Variants in GPR19 observed in about 807,000 individuals in gnomAD.
GPR19 encodes G protein-coupled receptor 19.
GPR19 carries 14 observed loss-of-function variants against 28.5 expected under a neutral mutation model. The ratio of observed to expected loss-of-function variants is 0.49; its 90% confidence interval spans 0.32 to 0.77. The LOEUF is 0.77. Ranked by LOEUF, GPR19 falls within the 30% of genes least tolerant of loss-of-function variation. The pLI, the probability that GPR19 is intolerant of heterozygous loss-of-function variation, is 0.03. For synonymous variants in GPR19, 173 were observed against 184.1 expected, an observed-to-expected ratio of 0.94 and a Z score of 0.49; for missense variants, 409 against 504.1, an observed-to-expected ratio of 0.81 and a Z score of 1.81.
At chr12:12,710,393 G>A in the GPR19 span, among the ~76,000 whole-genome samples, 2 of 150,278 alleles carry the variant, frequency 1.3e-5, no homozygotes, top group African/African-American at 2.4e-5. Flanking sequence ...CCTTATTCCT[G>A]TACCCGTGTA....
rs766095269 is a variant in GPR19, at chr12:12,661,597, C to T, written c.852G>A (p.Leu284=). The T allele has an allele frequency of 6.2e-7, 1 of 1,614,124 alleles. No individual in the cohort carries two copies. The highest frequency in any genetic ancestry group is 8.5e-7 in the Non-Finnish European group (1 of 1,179,974). The change falls in exon 4 of 4, where the codon TTG becomes TTA. Residue 284 remains leucine, a synonymous_variant. Transcript: ENST00000651487. The surrounding 1 kb of genome is among the most constrained non-coding windows in gnomAD (Gnocchi z 4.2). ...GAAAAGGCAGCCAGGAGAGCAAAAA[C>T]AACAGATTTAAAATGAGGAACATCT... The part of the protein sequence containing the change: ...TIKMFLILNL[L]FLLSWLPFHV...
At chr12:12,709,683 C>T in the GPR19 span, among the ~76,000 whole-genome samples, 1 of 152,156 alleles carries the variant, frequency 6.6e-6, no homozygotes, top group Non-Finnish European at 1.5e-5. Flanking sequence ...AAGCAGTCCT[C>T]CCACCTCAAC....
At chr12:12,679,645 C>A (rs542217901) in intron 3 of GPR19, among the ~76,000 whole-genome samples, 70 of 129,360 alleles carry the variant, frequency 5.4e-4, no homozygotes, top group Non-Finnish European at 1.0e-3. Context: ...CAGAGTGAGA[C>A]CTTGTCTCTG....
At chr12:12,716,837 C>CGG in the GPR19 span, 2 of 984,176 alleles carry the variant, frequency 2.0e-6, no homozygotes, top group Non-Finnish European at 2.4e-6. Context: ...GGCACGCCGG[C>CGG]GGGGGGGCGC....
chr12:12,680,463 C>CA (rs941710017), intron 3 of GPR19, among the ~76,000 whole-genome samples: 17 of 152,134 alleles, frequency 1.1e-4, no homozygotes, highest in African/African-American at 4.1e-4. Flanking sequence ...AAAATGACTC[C>CA]ACAAACAGGG....
the GPR19 span, chr12:12,703,256 A>C: frequency 3.0e-6 from 1 of 335,932 alleles, no homozygotes; most frequent in East Asian, 1.7e-4. Context: ...CGTGGAAAGG[A>C]TCTATTACCT....
At chr12:12,711,853 A>G in the GPR19 span, among the ~76,000 whole-genome samples, 1 of 152,168 alleles carries the variant, frequency 6.6e-6, no homozygotes, top group East Asian at 1.9e-4. Context: ...TATATGTTCC[A>G]GCTACCTAAG....
the GPR19 span, among the ~76,000 whole-genome samples, chr12:12,711,731 T>A: frequency 6.6e-6 from 1 of 152,168 alleles, no homozygotes. Flanking sequence ...TTATAGTCTC[T>A]CCTACATTCT....
the GPR19 span, chr12:12,717,223 G>GC: frequency 9.5e-7 from 1 of 1,050,740 alleles, no homozygotes; most frequent in Non-Finnish European, 1.1e-6. Context: ...CGGGGAGGCG[G>GC]CGCGCTCGGG....
intron 3 of GPR19, among the ~76,000 whole-genome samples, chr12:12,683,186 T>C (rs1946047448): frequency 6.6e-6 from 1 of 152,186 alleles, no homozygotes; most frequent in South Asian, 2.1e-4. Context: ...CATAGCGTTT[T>C]ACTACAGAGA....
chr12:12,682,614 G>A (rs1946038249), intron 3 of GPR19, among the ~76,000 whole-genome samples: 2 of 152,172 alleles, frequency 1.3e-5, no homozygotes, highest in South Asian at 4.1e-4. Context: ...CCAGAAAAAT[G>A]TAGATTTCAG....
At chr12:12,688,044 A>G (rs566933772) in intron 2 of GPR19, among the ~76,000 whole-genome samples, 2 of 152,354 alleles carry the variant, frequency 1.3e-5, no homozygotes, top group South Asian at 4.1e-4. Flanking sequence ...TGCAACCCCC[A>G]GTGAAATAAT....
At chr12:12,681,077 C>A (rs1300724512) in intron 3 of GPR19, among the ~76,000 whole-genome samples, 1 of 152,214 alleles carries the variant, frequency 6.6e-6, no homozygotes, top group Admixed American at 6.5e-5. Flanking sequence ...GGATTACAGG[C>A]GTGAGTTATG....
the GPR19 span, chr12:12,715,204 C>A: frequency 1.3e-5 from 2 of 152,158 alleles, no homozygotes; most frequent in Non-Finnish European, 2.9e-5. Flanking sequence ...TGTTGTCTAG[C>A]AATTGTTTTA....
At chr12:12,670,023 G>T (rs2136322315) in intron 3 of GPR19, among the ~76,000 whole-genome samples, 1 of 152,294 alleles carries the variant, frequency 6.6e-6, no homozygotes, top group African/African-American at 2.4e-5. Flanking sequence ...GAACCACCAT[G>T]CCCAGCTGAG....
intron 3 of GPR19, among the ~76,000 whole-genome samples, chr12:12,674,930 T>C (rs565003394): frequency 2.0e-5 from 3 of 152,300 alleles, no homozygotes; most frequent in African/African-American, 7.2e-5. Flanking sequence ...AGTAGGCTGC[T>C]ATAAGAGAGC....
chr12:12,716,634 G>A, the GPR19 span: 1 of 377,916 alleles, frequency 2.6e-6, no homozygotes, highest in Non-Finnish European at 3.6e-6. Context: ...TTAATCTTGA[G>A]TTCCTTTCTT....
the GPR19 span, among the ~76,000 whole-genome samples, chr12:12,708,737 C>A: frequency 3.9e-5 from 6 of 152,170 alleles, no homozygotes; most frequent in African/African-American, 1.4e-4. Flanking sequence ...TGTGATGACA[C>A]CAGGGAACCT....
In GPR19 at chr12:12,661,646, G is replaced by A; in HGVS notation, c.803C>T (p.Pro268Leu). 1.9e-6 allele frequency: 3 copies of A among 1,612,590 alleles called. No homozygotes were observed. The highest frequency in any genetic ancestry group is 1.7e-6 in the Non-Finnish European group (2 of 1,178,604). ...CTTGATAGTTTTCACTTTTGTCCGA[G>A]GGACAATGTTCATTGTCCTCCTCAC... ...RTVRRTMNIVPRTKVKTIKMF... is the reference protein window; with the variant it reads ...RTVRRTMNIVLRTKVKTIKMF... Residue 268 changes from proline to leucine, a missense_variant, in exon 4 of 4, where the codon CCT becomes CTT. Transcript: ENST00000651487. This position sits in a 1 kb window ranked among gnomAD's most constrained non-coding sequence, Gnocchi z 4.2.
Sources: gnomAD v4.1 joint callset for allele counts (sites outside exome capture counted in the v4.1 genomes callset) on GRCh38, gnomAD v4.1.1 for gene constraint, Gnocchi (gnomAD v3.1) non-coding constraint, MANE v1.5 for transcripts, NCBI Gene and HGNC (gene_info 2026-07-23, HGNC 2026-07-21) for gene names.